PREX1: variants seen among roughly 807,000 people sequenced by gnomAD.
PREX1 encodes phosphatidylinositol 3,4,5-trisphosphate-dependent Rac exchanger 1 protein.
In PREX1, 41 loss-of-function variants were observed where a neutral mutation model predicts 198.3. The observed-to-expected ratio is 0.21, with a 90% CI of 0.16 to 0.27. The LOEUF (loss-of-function observed/expected upper bound fraction) is 0.27, where lower values mean the gene tolerates loss of function less well. Ranked by LOEUF, PREX1 falls within the 10% of genes least tolerant of loss-of-function variation. PREX1 has a pLI of 1.00. For synonymous variants in PREX1, 843 were observed against 887.2 expected (o/e 0.95, Z 0.89); for missense variants, 1,620 against 2,200.7 (o/e 0.74, Z 5.28).
chr20:48,705,729 A>G (rs1198505687), intron 6 of PREX1, among the ~76,000 whole-genome samples: 1 of 152,248 alleles, frequency 6.6e-6, no homozygotes, highest in African/African-American at 2.4e-5. Flanking sequence ...CTGCATTTTA[A>G]AAACCTTTCT....
chr20:48,641,101 T>C lies in PREX1; in HGVS notation c.3775+1067A>G, dbSNP rs567618427. On this transcript the variant is annotated intron_variant, in intron 29 of 39. Coordinates refer to ENST00000371941, the MANE Select transcript of PREX1 (RefSeq NM_020820.4). ...ACGGATAGTAGGTTGGGTGGATGAG[T>C]AGGGTGGGTAGGTGGGTAAATGGGA... Among the ~76,000 whole-genome samples, 5 of 150,384 alleles carry C rather than the reference T, an allele frequency of 3.3e-5. No individual in the cohort carries two copies. In the South Asian group the frequency reaches 1.1e-3, roughly 32 times the overall value.
rs546226826 is a variant in PREX1 at position 48,771,019 on chromosome 20, T to C, written c.220-23139A>G. ...GGTTGAGTCTTCTGGTTTCAGTATGTACAGTTGCCTTTCATCAGGAAAATT... is the reference window on the plus strand; with the variant it reads ...GGTTGAGTCTTCTGGTTTCAGTATGCACAGTTGCCTTTCATCAGGAAAATT... On this transcript the variant is annotated intron_variant, in intron 1 of 39. Transcript: ENST00000371941. Among the ~76,000 whole-genome samples, 7 of 152,230 alleles carry C rather than the reference T, an allele frequency of 4.6e-5. No individual in the cohort carries two copies. In the South Asian group the frequency reaches 1.5e-3, roughly 32 times the overall value.
intron 1 of PREX1, among the ~76,000 whole-genome samples, chr20:48,764,437 G>C (rs993089109): frequency 1.3e-5 from 2 of 152,138 alleles, no homozygotes; most frequent in African/African-American, 4.8e-5. Context: ...TGGAAAGGGG[G>C]GGATTATCAA....
intron 1 of PREX1, among the ~76,000 whole-genome samples, chr20:48,762,070 C>G (rs1465572381): frequency 6.6e-6 from 1 of 152,210 alleles, no homozygotes; most frequent in Non-Finnish European, 1.5e-5. Context: ...TAGACACAGG[C>G]AAGGCAAACC....
chr20:48,822,875 G>C (rs2090492752), intron 1 of PREX1, among the ~76,000 whole-genome samples: 1 of 152,078 alleles, frequency 6.6e-6, no homozygotes, highest in South Asian at 2.1e-4. Context: ...ATCCCCCCAA[G>C]TTACTGGGGA....
chr20:48,649,433 C>T lies in PREX1; in HGVS notation c.3172G>A (p.Gly1058Ser). ...AAGCTGAGGCCCCGGTCTTCCTGAC[C>T]AAGGGTCCCACTGGCTGGCCCGAAG... is the stretch of plus-strand genomic sequence containing the variant. ...GSFGPASGTL[G>S]QEDRGLSFLL... is the part of the protein sequence containing the mutation. The change falls in exon 25 of 40, where the codon GGT (glycine) becomes AGT (serine). Residue 1058 changes from glycine to serine, a missense_variant. Physicochemically the swap from Gly to Ser is moderately conservative, Grantham distance 56. Around this residue, in one of 7 missense-constraint regions of PREX1, gnomAD observed 514 missense variants for 611.6 expected, o/e 0.84. Transcript: ENST00000371941. 6.2e-7 allele frequency: 1 copy of T among 1,614,184 alleles called. No homozygotes were observed. The highest frequency in any genetic ancestry group is 8.5e-7 in the Non-Finnish European group (1 of 1,180,022).
At chr20:48,802,675 G>A (rs919213039) in intron 1 of PREX1, among the ~76,000 whole-genome samples, 1 of 152,226 alleles carries the variant, frequency 6.6e-6, no homozygotes, top group African/African-American at 2.4e-5. Flanking sequence ...AGATATGAGA[G>A]CAGGGATTGT....
At chr20:48,651,642 C>A in intron 21 of PREX1, 59 bp from the exon 22 acceptor site, 1 of 1,529,406 alleles carries the variant, frequency 6.5e-7, no homozygotes. Context: ...GAAGGCGAGG[C>A]GAGGAGGATT....
chr20:48,719,216 G>A (rs1294295337), intron 5 of PREX1, among the ~76,000 whole-genome samples: 1 of 152,178 alleles, frequency 6.6e-6, no homozygotes, highest in Non-Finnish European at 1.5e-5. Context: ...TAGAATCCAG[G>A]TTGGACCCCA....
chr20:48,680,947 A>G (rs1019965129), intron 11 of PREX1, among the ~76,000 whole-genome samples: 1 of 152,128 alleles, frequency 6.6e-6, no homozygotes, highest in East Asian at 1.9e-4. Flanking sequence ...CACTCAATAA[A>G]TATTTGCTGA....
At position 48,827,763 on chromosome 20, in the gene PREX1, C is replaced by T; in HGVS notation, c.98G>A (p.Gly33Asp). The change falls in exon 1 of 40, where the codon GGC (glycine) becomes GAC (aspartate). Residue 33 changes from glycine (G) to aspartate (D), a missense_variant. Coordinates refer to ENST00000371941, the MANE Select transcript of PREX1 (RefSeq NM_020820.4). The surrounding 1 kb of genome is among the most constrained non-coding windows in gnomAD (Gnocchi z 4.1). The stretch of plus-strand genomic sequence containing the variant: ...CCGGGCGGCCGCGCACGGGCCGGGG[C>T]CGGAGCTGGGCGCCGCGGCGCCAGG... ...RAPGAAAPSS[G>D]PGPCAAARES... The T allele has an allele frequency of 8.3e-7, 1 of 1,198,212 alleles. No individual in the cohort carries two copies. The allele number at this position is 1,198,212 out of a possible 1,614,324, so 74.2% of individuals were successfully genotyped here. A position where few individuals can be genotyped will look rare whatever the true frequency, so the allele number is the denominator to read the frequency against.
intron 1 of PREX1, among the ~76,000 whole-genome samples, chr20:48,781,701 T>G (rs2090290541): frequency 6.6e-6 from 1 of 152,128 alleles, no homozygotes; most frequent in African/African-American, 2.4e-5. Flanking sequence ...AAACTCACTG[T>G]GGAATCCTGG....
At chr20:48,819,910 C>A (rs2090476767) in intron 1 of PREX1, among the ~76,000 whole-genome samples, 1 of 152,234 alleles carries the variant, frequency 6.6e-6, no homozygotes, top group African/African-American at 2.4e-5. Context: ...CCCGGCCTCG[C>A]TCCTCCTGAG....
At chr20:48,647,519 C>CAAAAAA (rs765244255) in intron 25 of PREX1, among the ~76,000 whole-genome samples, 35 of 49,472 alleles carry the variant, frequency 7.1e-4, no homozygotes, top group East Asian at 1.3e-3. Flanking sequence ...GACAACATCT[C>CAAAAAA]AAAAAAAAAA....
At chr20:48,671,276 C>T (rs2089673393) in intron 14 of PREX1, among the ~76,000 whole-genome samples, 1 of 152,144 alleles carries the variant, frequency 6.6e-6, no homozygotes, top group Non-Finnish European at 1.5e-5. Context: ...AAATGTTCTC[C>T]AACAGGACAG....
chr20:48,765,485 A>G (rs1601122261), intron 1 of PREX1, among the ~76,000 whole-genome samples: 1 of 152,354 alleles, frequency 6.6e-6, no homozygotes, highest in East Asian at 1.9e-4. Context: ...CTGCATTTCC[A>G]ATGAAACGTG....
chr20:48,668,438 T>G (rs1357988416), intron 14 of PREX1, among the ~76,000 whole-genome samples: 1 of 152,118 alleles, frequency 6.6e-6, no homozygotes, highest in Non-Finnish European at 1.5e-5. Flanking sequence ...CCAGATTGTG[T>G]AGGAGCTTGC....
intron 8 of PREX1, 119 bp downstream of exon 8, chr20:48,692,553 T>C: frequency 1.2e-6 from 1 of 808,982 alleles, no homozygotes; most frequent in South Asian, 1.8e-5. Context: ...TGGGCACTTT[T>C]CTGTAGGTAG....
At chr20:48,744,999 A>G (rs1394068795) in intron 3 of PREX1, 26 bp downstream of exon 3, 1 of 1,611,736 alleles carries the variant, frequency 6.2e-7, no homozygotes, top group African/African-American at 1.3e-5. Context: ...ACTAGAGTCC[A>G]CCAGGGGCAG....
Sources: allele counts gnomAD v4.1 joint callset (sites outside exome capture counted in the v4.1 genomes callset), GRCh38; gene constraint gnomAD v4.1.1; regional missense constraint gnomAD v4.1.1; non-coding constraint Gnocchi (gnomAD v3.1); transcripts MANE v1.5; gene names NCBI Gene and HGNC (gene_info 2026-07-23, HGNC 2026-07-21).